Variants in FNDC1 observed in about 807,000 individuals in gnomAD.
The protein encoded by FNDC1 is fibronectin type III domain-containing protein 1.
Under a neutral mutation model 168.0 loss-of-function variants are expected in FNDC1, and 96 were observed. The observed-to-expected ratio is 0.57, with a 90% CI of 0.48 to 0.68. The LOEUF (loss-of-function observed/expected upper bound fraction) is 0.68. Ranked by LOEUF, FNDC1 falls within the 30% of genes least tolerant of loss-of-function variation. The pLI is 0.00. For missense variants in FNDC1, 2,587 were observed against 2,482.1 expected (o/e 1.04, Z -0.90); for synonymous variants, 1,099 against 1,025.9 (o/e 1.07, Z -1.36).
Position 159,233,526 on chromosome 6 carries a change from A to T in FNDC1, c.3014A>T (p.Gln1005Leu), listed in dbSNP as rs1454130962. Residue 1005 changes from glutamine (Q) to leucine (L), a missense_variant, in exon 11 of 23, where the codon CAG becomes CTG. Coordinates refer to ENST00000297267, the MANE Select transcript of FNDC1 (RefSeq NM_032532.3). This position sits in a 1 kb window ranked among gnomAD's most constrained non-coding sequence, Gnocchi z 4.6. ...RMTPGRAPQQ[Q>L]PPPPVATSQH... ...ACACCCGGCCGGGCCCCACAACAGC[A>T]GCCCCCTCCTCCCGTCGCCACGTCC... 2 of 1,598,744 alleles carry T rather than the reference A, an allele frequency of 1.3e-6. No homozygotes were observed. Among genetic ancestry groups the T allele is most frequent in the Admixed American group, 1.7e-5 (1 of 58,972 alleles).
At chr6:159,268,856 CTATCT>C (rs1465371019) in intron 22 of FNDC1, among the ~76,000 whole-genome samples, 2 of 93,862 alleles carry the variant, frequency 2.1e-5, no homozygotes, top group Middle Eastern at 6.9e-3. Context: ...ATCTATCTAT[CTATCT>C]ATCCATACTG....
intron 12 of FNDC1, among the ~76,000 whole-genome samples, chr6:159,238,161 G>T (rs1443730014): frequency 6.7e-5 from 10 of 150,040 alleles, no homozygotes; most frequent in African/African-American, 2.2e-4. Flanking sequence ...GCAGTGGCGC[G>T]ATCTCGGCTC....
chr6:159,222,186 A>G (rs931463910), intron 6 of FNDC1, among the ~76,000 whole-genome samples: 3 of 152,236 alleles, frequency 2.0e-5, no homozygotes, highest in Non-Finnish European at 4.4e-5. Context: ...TACATTTCCC[A>G]CGTCCCTTCA....
chr6:159,229,029 A>G (rs1027552774), intron 9 of FNDC1, among the ~76,000 whole-genome samples: 1 of 152,208 alleles, frequency 6.6e-6, no homozygotes, highest in African/African-American at 2.4e-5. Flanking sequence ...GAGAGGAAAT[A>G]GGCATGACAG....
At position 159,233,613 on chromosome 6, in the gene FNDC1, C is replaced by T; in HGVS notation, c.3101C>T (p.Ser1034Leu). Reference protein sequence around the residue: ...AGRSPSQPRLSLTQAGRPRPT... With the variant: ...AGRSPSQPRLLLTQAGRPRPT... Reference sequence around the variant, plus strand: ...CGGTCACCTTCCCAGCCCAGGCTCTCACTGACCCAGGCCGGGCGGCCCCGC... The same window carrying T: ...CGGTCACCTTCCCAGCCCAGGCTCTTACTGACCCAGGCCGGGCGGCCCCGC... The change falls in exon 11 of 23, where the codon TCA becomes TTA. Residue 1034 changes from serine to leucine, a missense_variant. Ser to Leu is a moderately radical substitution (Grantham distance 145, BLOSUM62 -2). Transcript: ENST00000297267. The surrounding 1 kb of genome is among the most constrained non-coding windows in gnomAD (Gnocchi z 4.6). 1 of 1,574,274 alleles carries T rather than the reference C, an allele frequency of 6.4e-7. No individual in the cohort carries two copies. Among genetic ancestry groups the T allele is most frequent in the Non-Finnish European group, 8.6e-7 (1 of 1,162,834 alleles).
chr6:159,238,320 C>T (rs1039647255), intron 12 of FNDC1, among the ~76,000 whole-genome samples: 5 of 152,024 alleles, frequency 3.3e-5, no homozygotes, highest in East Asian at 1.9e-4. Context: ...CTCCTGATCT[C>T]GTGATCTGCC....
chr6:159,199,971 G>A, intron 2 of FNDC1, 25 bp from the exon 3 acceptor site: 2 of 1,578,308 alleles, frequency 1.3e-6, no homozygotes, highest in African/African-American at 1.3e-5. Flanking sequence ...TGAATTGGTG[G>A]CTTGATATGA....
In FNDC1 at chr6:159,266,145, T is replaced by A; in HGVS notation, c.5346T>A (p.His1782Gln). The A allele has an allele frequency of 6.2e-7, 1 of 1,614,026 alleles. No homozygotes were observed. The highest frequency in any genetic ancestry group is 8.5e-7 in the Non-Finnish European group (1 of 1,179,874). ...ATGATCCCAGCTACACGGACTGCCA[T>A]GGACGGCAATATGTGAAGCGCACGT... ...FKHDPSYTDCHGRQYVKRTWY... is the reference protein window; with the variant it reads ...FKHDPSYTDCQGRQYVKRTWY... The change falls in exon 21 of 23, where the codon CAT becomes CAA. Residue 1782 changes from histidine to glutamine, a missense_variant. Transcript: ENST00000297267.
At position 159,229,832 on chromosome 6, in the gene FNDC1, G is replaced by A. The variant is rs776356434; in HGVS notation, c.1198G>A (p.Ala400Thr). The A allele has an allele frequency of 1.1e-5, 17 of 1,611,414 alleles. No individual in the cohort carries two copies. The highest frequency in any genetic ancestry group is 1.4e-5 in the Non-Finnish European group (16 of 1,178,738). Residue 400 changes from alanine (A) to threonine (T), a missense_variant, in exon 10 of 23, where the codon GCC becomes ACC. By Grantham distance (58) the Ala-to-Thr change is moderately conservative. Transcript: ENST00000297267. ...GKVKEYILSY[A>T]PALKPFGAKS... is the part of the protein sequence containing the mutation. ...CATTTCAGAATACATTCTTTCATAC[G>A]CCCCGGCTCTCAAACCATTTGGAGC... is the stretch of plus-strand genomic sequence containing the variant.
rs1356348788 is a variant in FNDC1, at chr6:159,272,063, G to T, written c.*621G>T. The T allele has an allele frequency of 2.0e-5, 3 of 152,158 alleles. No homozygotes were observed. Among genetic ancestry groups the T allele is most frequent in the African/African-American group, 4.8e-5 (2 of 41,390 alleles). 9.4% of individuals were successfully genotyped at this position (152,158 alleles called of 1,614,324 possible). On this transcript the variant is annotated 3_prime_UTR_variant, in exon 23 of 23. Transcript: ENST00000297267. ...TGCATATACATATCCACACTTGTCT[G>T]CAAGAATATTGATTAAAATTGCTAA...
In FNDC1 at chr6:159,226,671, G is replaced by C. The variant is rs544130251; in HGVS notation, c.1180+91G>C. On this transcript the variant is annotated intron_variant, in intron 9 of 22. Transcript: ENST00000297267. ...CTTTGTTGACTGAAAAAGAAATAGG[G>C]AAGCAACATATGTCTAAGAGGTGCT... is the stretch of plus-strand genomic sequence containing the variant. 5 of 976,642 alleles carry C rather than the reference G, an allele frequency of 5.1e-6. No homozygotes were observed. The African/African-American group carries it at 8.4e-5, about 16-fold the overall frequency. The allele number at this position is 976,642 out of a possible 1,614,324, so 60.5% of individuals were successfully genotyped here.
intron 2 of FNDC1, among the ~76,000 whole-genome samples, chr6:159,198,834 G>A (rs433308): frequency 0.28 from 42,201 of 152,144 alleles, 6,435 homozygotes; most frequent in East Asian, 0.65. Flanking sequence ...AGTGTCTGGC[G>A]AAGCATGATT....
At chr6:159,269,525 TCCATCCATCC>T (rs1562316149) in intron 22 of FNDC1, among the ~76,000 whole-genome samples, 2 of 147,802 alleles carry the variant, frequency 1.4e-5, no homozygotes, top group Non-Finnish European at 3.0e-5. Context: ...CATCCATCCA[TCCATCCATCC>T]ATCCATCCAT....
At chr6:159,244,371 A>C (rs1197563266) in intron 14 of FNDC1, among the ~76,000 whole-genome samples, 1 of 152,236 alleles carries the variant, frequency 6.6e-6, no homozygotes, top group Non-Finnish European at 1.5e-5. Flanking sequence ...ACGGATGGAT[A>C]ATTTACAACT....
At chr6:159,224,818 C>T (rs1268438846) in intron 7 of FNDC1, among the ~76,000 whole-genome samples, 2 of 152,214 alleles carry the variant, frequency 1.3e-5, no homozygotes, top group Non-Finnish European at 2.9e-5. Flanking sequence ...AAAGAGGCCA[C>T]AAAGACAATT....
At chr6:159,270,148 C>A (rs1238853274) in intron 22 of FNDC1, among the ~76,000 whole-genome samples, 2 of 152,114 alleles carry the variant, frequency 1.3e-5, no homozygotes, top group Non-Finnish European at 2.9e-5. Context: ...TAGAGGTGAC[C>A]TAGTGATCTA....
At chr6:159,261,999 T>C (rs1316952817) in intron 19 of FNDC1, among the ~76,000 whole-genome samples, 1 of 152,140 alleles carries the variant, frequency 6.6e-6, no homozygotes, top group Non-Finnish European at 1.5e-5. Flanking sequence ...TCCCAGCTAC[T>C]CAGGAGGCTG....
chr6:159,223,683 A>T (rs2114978810), intron 7 of FNDC1, 38 bp downstream of exon 7: 2 of 1,323,176 alleles, frequency 1.5e-6, no homozygotes, highest in East Asian at 4.6e-5. Flanking sequence ...TATATGAGAG[A>T]TGGGGTTTTT....
intron 4 of FNDC1, among the ~76,000 whole-genome samples, chr6:159,208,305 C>T (rs1444589439): frequency 1.3e-5 from 2 of 152,184 alleles, no homozygotes; most frequent in Non-Finnish European, 2.9e-5. Context: ...TGGTATTGGT[C>T]TTCTGGGTCT....
Sources: gnomAD v4.1 joint callset for allele counts (sites outside exome capture counted in the v4.1 genomes callset) on GRCh38, gnomAD v4.1.1 for gene constraint, Gnocchi (gnomAD v3.1) non-coding constraint, MANE v1.5 for transcripts, NCBI Gene and HGNC (gene_info 2026-07-23, HGNC 2026-07-21) for gene names.